SNTG2: variants seen among roughly 807,000 people sequenced by gnomAD.
SNTG2 encodes the protein gamma-2-syntrophin.
A neutral mutation model predicts 70.9 loss-of-function variants in SNTG2; 74 were observed. The observed-to-expected ratio is 1.04, with a 90% CI of 0.86 to 1.27. The LOEUF (loss-of-function observed/expected upper bound fraction) is 1.27, where lower values mean the gene tolerates loss of function less well. Among genes scored for constraint, SNTG2 ranks in the 50% most tolerant of loss-of-function variants. The pLI, the probability that SNTG2 is intolerant of heterozygous loss-of-function variation, is 0.00. For synonymous variants in SNTG2, 278 were observed against 273.8 expected (o/e 1.02, Z -0.15); for missense variants, 717 against 690.7 (o/e 1.04, Z -0.43).
chr2:1,190,067 G>A (rs1305556966), intron 8 of SNTG2, among the ~76,000 whole-genome samples: 2 of 151,920 alleles, frequency 1.3e-5, no homozygotes, highest in African/African-American at 2.4e-5. Flanking sequence ...AAAAATTTAA[G>A]TTCATCTTAA....
chr2:1,083,348 T>C (rs1257190646), intron 1 of SNTG2, among the ~76,000 whole-genome samples, 170 bp from the exon 2 acceptor site: 1 of 152,142 alleles, frequency 6.6e-6, no homozygotes, highest in Non-Finnish European at 1.5e-5. Context: ...CATTTTATTA[T>C]TTTTTGCATA....
intron 14 of SNTG2, among the ~76,000 whole-genome samples, chr2:1,295,127 A>G (rs1369819250): frequency 6.6e-6 from 1 of 152,188 alleles, no homozygotes; most frequent in Admixed American, 6.5e-5. Context: ...CTCTCATGCT[A>G]GGGTGGTGCC....
chr2:994,610 G>A (rs1284391754), intron 1 of SNTG2, among the ~76,000 whole-genome samples: 1 of 151,908 alleles, frequency 6.6e-6, no homozygotes, highest in Non-Finnish European at 1.5e-5. Context: ...TGAATCTGTA[G>A]ATCAATTTGA....
At chr2:1,218,725 G>T (rs2148016647) in intron 9 of SNTG2, among the ~76,000 whole-genome samples, 1 of 152,246 alleles carries the variant, frequency 6.6e-6, no homozygotes, top group Non-Finnish European at 1.5e-5. Flanking sequence ...GGAAGCAGGT[G>T]GTATGAAGGA....
chr2:1,332,118 C>A (rs1255534586), intron 16 of SNTG2, among the ~76,000 whole-genome samples: 1 of 152,222 alleles, frequency 6.6e-6, no homozygotes, highest in East Asian at 1.9e-4. Flanking sequence ...TCCTTCCTTT[C>A]TACATTCATT....
At chr2:1,164,644 C>T (rs113023021) in intron 6 of SNTG2, among the ~76,000 whole-genome samples, 2,159 of 151,206 alleles carry the variant, frequency 0.014, 36 homozygotes, top group African/African-American at 0.049. Flanking sequence ...GAGGAGAGGG[C>T]GAGGTGGGAT....
rs894066072 is a variant in SNTG2, at chr2:986,304, T to G, written c.72+35236T>G. Among the ~76,000 whole-genome samples the G allele has an allele frequency of 7.2e-5, 11 of 152,254 alleles. No homozygotes were observed. In the East Asian group the frequency reaches 1.9e-3, roughly 27 times the overall value. On this transcript the variant is annotated intron_variant, in intron 1 of 16. Coordinates refer to ENST00000308624, the MANE Select transcript of SNTG2 (RefSeq NM_018968.4). ...TCCTTCTCACACGCTCTACCAGGGTTGTTTGGGATGCAATGACAAAGGTAA... is the reference window on the plus strand; with the variant it reads ...TCCTTCTCACACGCTCTACCAGGGTGGTTTGGGATGCAATGACAAAGGTAA...
chr2:1,103,682 C>T (rs1439888892), intron 4 of SNTG2, among the ~76,000 whole-genome samples: 2 of 152,206 alleles, frequency 1.3e-5, no homozygotes, highest in African/African-American at 4.8e-5. Context: ...GCCACCGCGC[C>T]TGGCCATGAT....
intron 4 of SNTG2, among the ~76,000 whole-genome samples, chr2:1,101,843 G>A (rs1665800340): frequency 6.6e-6 from 1 of 152,226 alleles, no homozygotes; most frequent in African/African-American, 2.4e-5. Flanking sequence ...GGCCGGGACA[G>A]GTGGGAAAGC....
chr2:1,294,605 C>T (rs886700067), intron 14 of SNTG2, among the ~76,000 whole-genome samples: 1 of 152,192 alleles, frequency 6.6e-6, no homozygotes, highest in Non-Finnish European at 1.5e-5. Context: ...GGAACTCACT[C>T]TCTGCTACTT....
chr2:1,031,526 A>ATTTTTTTT (rs1660820699), intron 1 of SNTG2, among the ~76,000 whole-genome samples: 1 of 54,164 alleles, frequency 1.8e-5, no homozygotes, highest in Non-Finnish European at 3.4e-5. Flanking sequence ...ATATATATAT[A>ATTTTTTTT]TATTTTTTTT....
At chr2:1,162,361 C>T (rs1446196346) in intron 6 of SNTG2, among the ~76,000 whole-genome samples, 2 of 152,210 alleles carry the variant, frequency 1.3e-5, no homozygotes. Flanking sequence ...GACAGACTCA[C>T]ATACGGAAGC....
At chr2:1,289,470 C>G (rs1051208344) in intron 14 of SNTG2, among the ~76,000 whole-genome samples, 1 of 152,110 alleles carries the variant, frequency 6.6e-6, no homozygotes, top group African/African-American at 2.4e-5. Context: ...CTTGGCAGAT[C>G]GTACCCTGGA....
chr2:1,272,463 T>TAA lies in SNTG2; in HGVS notation c.1284+4913_1284+4914dup, dbSNP rs577563977. Among the ~76,000 whole-genome samples, 404 of 51,862 alleles carry TAA rather than the reference T, an allele frequency of 7.8e-3. 32 individuals carry two copies. Among genetic ancestry groups the TAA allele is most frequent in the African/African-American group, 0.033 (350 of 10,654 alleles). The allele number at this position is 51,862 out of a possible 152,430, so 34.0% of individuals were successfully genotyped here. On this transcript the variant is annotated intron_variant, in intron 14 of 16. Coordinates refer to ENST00000308624, the MANE Select transcript of SNTG2 (RefSeq NM_018968.4). ...CTAACAGGCCACAGACTGGTACTGG[T>TAA]AAAAAAAAAAAAAAAAAAAAAAGGA...
intron 1 of SNTG2, among the ~76,000 whole-genome samples, chr2:1,005,013 A>C (rs996398669): frequency 6.6e-6 from 1 of 152,328 alleles, no homozygotes; most frequent in African/African-American, 2.4e-5. Context: ...AGTAAAAAGA[A>C]ATGAACTATC....
intron 14 of SNTG2, among the ~76,000 whole-genome samples, chr2:1,281,192 T>C: frequency 6.8e-6 from 1 of 146,622 alleles, no homozygotes; most frequent in African/African-American, 2.6e-5. Context: ...TGTGGTGGTG[T>C]GTGTATGTGG....
intron 4 of SNTG2, among the ~76,000 whole-genome samples, chr2:1,122,322 A>G (rs879414666): frequency 1.4e-4 from 22 of 152,214 alleles, no homozygotes; most frequent in Non-Finnish European, 2.5e-4. Context: ...ACTACAGGCC[A>G]ATTTTTCTGA....
intron 9 of SNTG2, among the ~76,000 whole-genome samples, chr2:1,233,417 G>C (rs1676392159): frequency 6.6e-6 from 1 of 152,234 alleles, no homozygotes; most frequent in Admixed American, 6.5e-5. Flanking sequence ...ATTCCCAGCG[G>C]TGTGGGCGGG....
chr2:1,212,199 C>T (rs1674092247), intron 9 of SNTG2, among the ~76,000 whole-genome samples: 1 of 152,154 alleles, frequency 6.6e-6, no homozygotes, highest in Non-Finnish European at 1.5e-5. Context: ...TCCCTTGGTG[C>T]TGTGCTTCTG....
Sources: allele counts gnomAD v4.1 joint callset (sites outside exome capture counted in the v4.1 genomes callset), GRCh38; gene constraint gnomAD v4.1.1; transcripts MANE v1.5; gene names NCBI Gene and HGNC (gene_info 2026-07-23, HGNC 2026-07-21).